Variants in LTBP1 observed in about 807,000 individuals in gnomAD.
The protein encoded by LTBP1 is latent-transforming growth factor beta-binding protein 1.
In LTBP1, 129 loss-of-function variants were observed where a neutral mutation model predicts 207.6. The observed-to-expected ratio is 0.62, with a 90% confidence interval of 0.54 to 0.72. The LOEUF (loss-of-function observed/expected upper bound fraction) is 0.72, where lower values mean the gene tolerates loss of function less well. LTBP1 is among the 30% of genes least tolerant of loss of function. The probability of loss-of-function intolerance (pLI) is 0.00; values close to 1 mark genes in which losing one functional copy is unlikely to be tolerated. For synonymous variants in LTBP1, 963 were observed against 833.7 expected, an observed-to-expected ratio of 1.16 and a Z score of -2.67; for missense variants, 2,281 against 2,217.2, an observed-to-expected ratio of 1.03 and a Z score of -0.58.
intron 3 of LTBP1, among the ~76,000 whole-genome samples, chr2:33,083,292 T>A (rs952188014): frequency 6.6e-6 from 1 of 151,790 alleles, no homozygotes; most frequent in African/African-American, 2.4e-5. Flanking sequence ...CCTGTTCCTA[T>A]CTTGATTGAG....
At chr2:33,370,309 G>A (rs2095051533) in intron 31 of LTBP1, among the ~76,000 whole-genome samples, 2 of 152,326 alleles carry the variant, frequency 1.3e-5, no homozygotes, top group Middle Eastern at 3.4e-3. Flanking sequence ...GTAGACAAAT[G>A]CAGAAATAAT....
At chr2:33,165,929 A>G (rs945389110) in intron 5 of LTBP1, among the ~76,000 whole-genome samples, 5 of 152,170 alleles carry the variant, frequency 3.3e-5, no homozygotes, top group African/African-American at 7.2e-5. Context: ...TATGGAGCCT[A>G]TTAGTACAAT....
At chr2:33,103,239 G>A (rs1457612809) in intron 3 of LTBP1, among the ~76,000 whole-genome samples, 1 of 151,076 alleles carries the variant, frequency 6.6e-6, no homozygotes, top group Non-Finnish European at 1.5e-5. Flanking sequence ...TGTATGCGCT[G>A]TCTGTATGCA....
At chr2:33,182,017 T>C (rs1166350063) in intron 5 of LTBP1, among the ~76,000 whole-genome samples, 1 of 152,222 alleles carries the variant, frequency 6.6e-6, no homozygotes, top group Non-Finnish European at 1.5e-5. Flanking sequence ...CTTATTGAGC[T>C]GAGACAAAGA....
At chr2:33,010,539 T>C (rs1172144677) in intron 2 of LTBP1, among the ~76,000 whole-genome samples, 1 of 152,274 alleles carries the variant, frequency 6.6e-6, no homozygotes, top group Non-Finnish European at 1.5e-5. Context: ...TCCCAACACA[T>C]AGAAATGATA....
At chr2:33,186,567 GGC>G (rs1158097055) in intron 5 of LTBP1, among the ~76,000 whole-genome samples, 1 of 152,002 alleles carries the variant, frequency 6.6e-6, no homozygotes, top group Non-Finnish European at 1.5e-5. Context: ...CATCTTGAGT[GGC>G]TACTGTATAT....
At chr2:33,170,888 C>A (rs1230186572) in intron 5 of LTBP1, among the ~76,000 whole-genome samples, 1 of 152,154 alleles carries the variant, frequency 6.6e-6, no homozygotes, top group African/African-American at 2.4e-5. Context: ...GCTGCTGGTA[C>A]CCAGGCAAAC....
chr2:33,116,726 A>G (rs951284876), intron 4 of LTBP1, among the ~76,000 whole-genome samples: 8 of 151,236 alleles, frequency 5.3e-5, no homozygotes, highest in Non-Finnish European at 7.4e-5. Context: ...ATGTACTAAC[A>G]TGGGGGAGAG....
At chr2:33,113,125 G>C (rs778133581) in intron 4 of LTBP1, among the ~76,000 whole-genome samples, 1 of 152,190 alleles carries the variant, frequency 6.6e-6, no homozygotes, top group Non-Finnish European at 1.5e-5. Context: ...GGGAACTAGA[G>C]AAGCGGTTGA....
At chr2:32,993,281 A>T (rs1233591237) in intron 2 of LTBP1, among the ~76,000 whole-genome samples, 1 of 152,132 alleles carries the variant, frequency 6.6e-6, no homozygotes, top group Non-Finnish European at 1.5e-5. Flanking sequence ...AAAAGCAAAG[A>T]AAGGAAAGAA....
At chr2:33,033,604 A>G (rs1486274904) in intron 3 of LTBP1, among the ~76,000 whole-genome samples, 1 of 150,824 alleles carries the variant, frequency 6.6e-6, no homozygotes, top group African/African-American at 2.4e-5. Flanking sequence ...ATGGTGGGGG[A>G]AAAAAGGGAC....
intron 24 of LTBP1, among the ~76,000 whole-genome samples, chr2:33,330,226 T>C (rs1023967449): frequency 6.6e-6 from 1 of 152,002 alleles, no homozygotes; most frequent in Admixed American, 6.6e-5. Flanking sequence ...CTTGTATCCA[T>C]GACCTTGCTA....
chr2:33,298,935 A>G (rs2093932112), intron 20 of LTBP1, among the ~76,000 whole-genome samples: 1 of 152,220 alleles, frequency 6.6e-6, no homozygotes, highest in African/African-American at 2.4e-5. Context: ...TACTTTGCTT[A>G]TATCTGGATA....
chr2:33,246,254 A>G (rs1367441456), intron 10 of LTBP1, among the ~76,000 whole-genome samples: 1 of 152,186 alleles, frequency 6.6e-6, no homozygotes, highest in Non-Finnish European at 1.5e-5. Flanking sequence ...CACATGTAAC[A>G]TCACAGAGAC....
intron 2 of LTBP1, among the ~76,000 whole-genome samples, chr2:32,978,458 G>T (rs1682182712): frequency 6.6e-6 from 1 of 151,994 alleles, no homozygotes; most frequent in Non-Finnish European, 1.5e-5. Flanking sequence ...CAATTGAAAT[G>T]ATCACATGGT....
At chr2:33,351,881 C>A (rs1486880728) in intron 26 of LTBP1, among the ~76,000 whole-genome samples, 1 of 152,210 alleles carries the variant, frequency 6.6e-6, no homozygotes, top group Admixed American at 6.5e-5. Flanking sequence ...CAGGCAGTTA[C>A]ATGCTTAGCT....
chr2:32,952,401 C>G (rs568055717), intron 2 of LTBP1, among the ~76,000 whole-genome samples: 2 of 152,156 alleles, frequency 1.3e-5, no homozygotes, highest in African/African-American at 2.4e-5. Flanking sequence ...TTCCAGACAC[C>G]ATTTGTATGT....
rs76693015 is a variant in LTBP1 at position 33,104,312 on chromosome 2, C to G, written c.864-6270C>G. Among the ~76,000 whole-genome samples the G allele has an allele frequency of 8.0e-3, 1,213 of 152,310 alleles. 11 individuals carry two copies. The highest frequency in any genetic ancestry group is 0.01 in the Middle Eastern group (3 of 294). On this transcript the variant is annotated intron_variant, in intron 3 of 33. Transcript: ENST00000404816. ...ATTCAAGTCTTTAGATGGCCAGCCA[C>G]ACCCCAGCCTCTGGCCTGTTTCTCT...
At chr2:33,292,343 C>T (rs2093790394) in intron 19 of LTBP1, among the ~76,000 whole-genome samples, 2 of 152,254 alleles carry the variant, frequency 1.3e-5, no homozygotes, top group South Asian at 4.1e-4. Context: ...TTTAACTTTG[C>T]CTGTGACAGA....
Sources: gnomAD v4.1 joint callset for allele counts (sites outside exome capture counted in the v4.1 genomes callset) on GRCh38, gnomAD v4.1.1 for gene constraint, MANE v1.5 for transcripts, NCBI Gene and HGNC (gene_info 2026-07-23, HGNC 2026-07-21) for gene names.